The following CD2AP variants were observed in gnomAD, a reference collection of about 807,000 sequenced individuals.
The protein encoded by CD2AP is CD2 associated protein.
A neutral mutation model predicts 85.1 loss-of-function variants in CD2AP; 46 were observed. That is an observed-to-expected ratio of 0.54 (90% CI 0.43 to 0.69). The LOEUF (loss-of-function observed/expected upper bound fraction) is 0.69, where lower values mean the gene tolerates loss of function less well. CD2AP is among the 30% of genes least tolerant of loss of function. CD2AP has a pLI of 0.00. For synonymous variants in CD2AP, 255 were observed against 252.9 expected, an observed-to-expected ratio of 1.01 and a Z score of -0.08; for missense variants, 769 against 729.5, an observed-to-expected ratio of 1.05 and a Z score of -0.62.
intron 15 of CD2AP, among the ~76,000 whole-genome samples, chr6:47,608,776 A>G (rs1351816456): frequency 1.3e-5 from 2 of 152,178 alleles, no homozygotes; most frequent in African/African-American, 2.4e-5. Context: ...ATTCCAAACA[A>G]TAAGTATTGA....
At chr6:47,580,839 G>A (rs370960779) in intron 9 of CD2AP, 25 bp from the exon 10 acceptor site, 3 of 1,581,930 alleles carry the variant, frequency 1.9e-6, no homozygotes, top group Non-Finnish European at 1.7e-6. Flanking sequence ...CTGGTCAGCC[G>A]TTTCCACCAT....
chr6:47,503,572 G>A, intron 2 of CD2AP, 132 bp downstream of exon 2: 2 of 802,824 alleles, frequency 2.5e-6, no homozygotes, highest in Non-Finnish European at 4.1e-6. Context: ...AGAAAATAGA[G>A]TCCAGGTACC....
intron 17 of CD2AP, among the ~76,000 whole-genome samples, chr6:47,621,582 C>G (rs1328812534): frequency 1.3e-5 from 2 of 152,210 alleles, no homozygotes; most frequent in African/African-American, 4.8e-5. Flanking sequence ...AGGGTTCCTT[C>G]TTTCTCTATC....
intron 1 of CD2AP, among the ~76,000 whole-genome samples, chr6:47,502,057 C>T (rs1054968283): frequency 2.6e-5 from 4 of 152,156 alleles, no homozygotes; most frequent in Non-Finnish European, 5.9e-5. Flanking sequence ...TGGGGCTCTA[C>T]TGGGGAAGGG....
intron 5 of CD2AP, chr6:47,562,568 C>A (rs1156282406): frequency 3.0e-6 from 1 of 332,740 alleles, no homozygotes; most frequent in Non-Finnish European, 5.5e-6. Flanking sequence ...CTTGCATAAG[C>A]AAAAGCTTGG....
chr6:47,488,955 C>T (rs1043127849), intron 1 of CD2AP: 1 of 152,036 alleles, frequency 6.6e-6, no homozygotes, highest in African/African-American at 2.4e-5. Flanking sequence ...ATGCTTAGAA[C>T]CATGGAGAAA....
chr6:47,513,918 T>G (rs1052830684), intron 2 of CD2AP, among the ~76,000 whole-genome samples: 7 of 151,678 alleles, frequency 4.6e-5, no homozygotes, highest in Admixed American at 1.3e-4. Flanking sequence ...CTTACAGATG[T>G]ACAGTAGTAT....
At chr6:47,569,806 T>C (rs1440277881) in intron 5 of CD2AP, among the ~76,000 whole-genome samples, 2 of 152,130 alleles carry the variant, frequency 1.3e-5, no homozygotes, top group Non-Finnish European at 2.9e-5. Flanking sequence ...AGTCAAGGTA[T>C]TATACAGTTT....
intron 1 of CD2AP, among the ~76,000 whole-genome samples, chr6:47,482,889 A>T (rs567350082): frequency 1.3e-5 from 2 of 152,284 alleles, no homozygotes; most frequent in South Asian, 4.1e-4. Flanking sequence ...AATGTATATA[A>T]AAAATTGTAA....
At chr6:47,482,660 G>C (rs1297422963) in intron 1 of CD2AP, among the ~76,000 whole-genome samples, 1 of 152,158 alleles carries the variant, frequency 6.6e-6, no homozygotes, top group African/African-American at 2.4e-5. Context: ...TTATAGGCGT[G>C]AGCCACCTTG....
At chr6:47,597,447 A>T (rs1768982595) in intron 12 of CD2AP, among the ~76,000 whole-genome samples, 1 of 150,796 alleles carries the variant, frequency 6.6e-6, no homozygotes, top group Admixed American at 6.6e-5. Context: ...GAATAAAAAA[A>T]GCTAATCATG....
At chr6:47,619,025 A>G (rs1400370803) in intron 17 of CD2AP, among the ~76,000 whole-genome samples, 1 of 152,218 alleles carries the variant, frequency 6.6e-6, no homozygotes, top group Non-Finnish European at 1.5e-5. Flanking sequence ...AAAATGAACA[A>G]TGAACATACA....
In CD2AP at chr6:47,478,007, G is replaced by T. The variant is rs745454724; in HGVS notation, c.-238G>T. On this transcript the variant is annotated 5_prime_UTR_variant, in exon 1 of 18. Transcript: ENST00000359314. ...GGCCCTCCCGCCGCCGTGGCTCCTG[G>T]GGAGGCCAGGGGTGAGGAGCTGTCG... 5.1e-6 allele frequency: 3 copies of T among 586,796 alleles called. No individual in the cohort carries two copies. Among genetic ancestry groups the T allele is most frequent in the African/African-American group, 1.9e-5 (1 of 51,934 alleles). The allele number at this position is 586,796 out of a possible 1,614,324, so 36.3% of individuals were successfully genotyped here.
At chr6:47,505,362 C>T (rs1295900892) in intron 2 of CD2AP, among the ~76,000 whole-genome samples, 1 of 149,886 alleles carries the variant, frequency 6.7e-6, no homozygotes, top group Non-Finnish European at 1.5e-5. Context: ...CACAGATCAA[C>T]AGGATCCCAA....
intron 2 of CD2AP, among the ~76,000 whole-genome samples, chr6:47,531,491 A>G (rs1420061049): frequency 6.6e-6 from 1 of 150,696 alleles, no homozygotes; most frequent in African/African-American, 2.4e-5. Context: ...TGTTTATTTA[A>G]GGTATGTACT....
intron 13 of CD2AP, among the ~76,000 whole-genome samples, chr6:47,605,791 TTATTA>T (rs1026405872): frequency 3.9e-5 from 6 of 152,014 alleles, no homozygotes; most frequent in African/African-American, 1.4e-4. Context: ...ATCTTTTAAT[TTATTA>T]TGAGTTTAAG....
At chr6:47,620,482 A>G (rs1023884105) in intron 17 of CD2AP, among the ~76,000 whole-genome samples, 3 of 152,136 alleles carry the variant, frequency 2.0e-5, no homozygotes, top group African/African-American at 7.2e-5. Context: ...AGGTAGTGTG[A>G]TGCCTCCAGA....
intron 1 of CD2AP, among the ~76,000 whole-genome samples, chr6:47,499,253 T>G (rs952071806): frequency 9.2e-5 from 14 of 152,084 alleles, no homozygotes; most frequent in Admixed American, 1.3e-4. Flanking sequence ...TCATTACCAT[T>G]GGGATGTTGC....
intron 9 of CD2AP, 125 bp downstream of exon 9, chr6:47,579,614 C>A: frequency 1.5e-6 from 1 of 667,238 alleles, no homozygotes; most frequent in Non-Finnish European, 2.7e-6. Context: ...TGTAGCTATT[C>A]AGGTAGGAGT....
Sources: gnomAD v4.1 joint callset for allele counts (sites outside exome capture counted in the v4.1 genomes callset) on GRCh38, gnomAD v4.1.1 for gene constraint, MANE v1.5 for transcripts, NCBI Gene and HGNC (gene_info 2026-07-23, HGNC 2026-07-21) for gene names.